NCOA1: variants seen among roughly 807,000 people sequenced by gnomAD.
NCOA1 encodes the protein nuclear receptor coactivator 1.
Under a neutral mutation model 150.9 loss-of-function variants are expected in NCOA1, and 35 were observed. The observed-to-expected ratio is 0.23, with a 90% CI of 0.18 to 0.31. NCOA1 has a LOEUF of 0.31. Among genes scored for constraint, NCOA1 ranks in the 10% least tolerant of loss-of-function variants. The pLI, the probability that NCOA1 is intolerant of heterozygous loss-of-function variation, is 1.00. For synonymous variants in NCOA1, 590 were observed against 630.0 expected, an observed-to-expected ratio of 0.94 and a Z score of 0.95; for missense variants, 1,491 against 1,749.3, an observed-to-expected ratio of 0.85 and a Z score of 2.63.
intron 7 of NCOA1, among the ~76,000 whole-genome samples, chr2:24,678,800 A>C (rs1193775689): frequency 6.6e-6 from 1 of 152,106 alleles, no homozygotes; most frequent in African/African-American, 2.4e-5. Flanking sequence ...TGTCAGATGG[A>C]TAGATTGCAA....
rs1442184814 is a variant in NCOA1, at chr2:24,629,821, T to TATAG, written c.-174-14142_-174-14141insGATA. 1.6e-3 allele frequency among the ~76,000 whole-genome samples: 187 copies of TATAG among 114,334 alleles called. 5 individuals carry two copies. In the South Asian group the frequency reaches 0.037, roughly 23 times the overall value. The allele number at this position is 114,334 out of a possible 152,430, so 75.0% of individuals were successfully genotyped here. The stretch of plus-strand genomic sequence containing the variant: ...CTGTTTTAAGTAACATACATACATA[T>TATAG]ATATATATATATATATATATATATA... On this transcript the variant is annotated intron_variant, in intron 3 of 22. Transcript: ENST00000348332.
chr2:24,768,148 T>C (rs1417384608), intron 22 of NCOA1, 73 bp from the exon 23 acceptor site: 1 of 1,614,052 alleles, frequency 6.2e-7, no homozygotes, highest in East Asian at 2.2e-5. Context: ...GAGTTTCCAC[T>C]TCAAGTAGTA....
chr2:24,615,315 G>C (rs1180863037), intron 3 of NCOA1, among the ~76,000 whole-genome samples: 1 of 152,170 alleles, frequency 6.6e-6, no homozygotes, highest in Non-Finnish European at 1.5e-5. Context: ...CTTGTTACTA[G>C]TAGCTATGAG....
chr2:24,634,838 A>T (rs780127973), intron 3 of NCOA1, among the ~76,000 whole-genome samples: 1 of 150,118 alleles, frequency 6.7e-6, no homozygotes, highest in African/African-American at 2.4e-5. Flanking sequence ...CAGCCCCCCA[A>T]CTGAGTAGCT....
At chr2:24,742,379 T>G (rs188981460) in intron 19 of NCOA1, among the ~76,000 whole-genome samples, 193 bp downstream of exon 19, 7 of 152,300 alleles carry the variant, frequency 4.6e-5, no homozygotes, top group Admixed American at 2.0e-4. Context: ...CTTATCTCCC[T>G]TTTTTAGCTG....
At chr2:24,594,284 A>G (rs1667795453) in intron 3 of NCOA1, among the ~76,000 whole-genome samples, 2 of 152,292 alleles carry the variant, frequency 1.3e-5, no homozygotes, top group South Asian at 4.1e-4. Context: ...AACTTACTGA[A>G]AAAAACTTTA....
intron 1 of NCOA1, among the ~76,000 whole-genome samples, chr2:24,536,514 C>A (rs764344907): frequency 3.3e-5 from 5 of 152,168 alleles, no homozygotes; most frequent in Admixed American, 6.6e-5. Flanking sequence ...AGCTGCAATT[C>A]TTTGGAGAAG....
chr2:24,698,957 C>G (rs914442094), intron 11 of NCOA1, among the ~76,000 whole-genome samples: 1 of 152,112 alleles, frequency 6.6e-6, no homozygotes, highest in Middle Eastern at 3.2e-3. Flanking sequence ...TAGTGGTTCT[C>G]TAATGGGCTC....
At chr2:24,517,483 G>T (rs531533946) in intron 1 of NCOA1, among the ~76,000 whole-genome samples, 43 of 152,058 alleles carry the variant, frequency 2.8e-4, no homozygotes, top group Non-Finnish European at 5.4e-4. Context: ...CTCTCTCAGG[G>T]TTTATGTCTG....
chr2:24,592,578 A>ATTTTTTTTTT (rs145333073), intron 3 of NCOA1, among the ~76,000 whole-genome samples: 40 of 103,430 alleles, frequency 3.9e-4, no homozygotes, highest in Non-Finnish European at 4.5e-4. Flanking sequence ...TCCCCTCCTA[A>ATTTTTTTTTT]TTTTTTTTTT....
chr2:24,693,388 A>T, intron 10 of NCOA1, 41 bp downstream of exon 10: 1 of 1,509,548 alleles, frequency 6.6e-7, no homozygotes, highest in Non-Finnish European at 9.2e-7. Flanking sequence ...AGGTATTAAT[A>T]ATGTGACTCT....
Position 24,740,437 on chromosome 2 carries a change from T to C in NCOA1, c.3303+904T>C, listed in dbSNP as rs542336863. 3.3e-5 allele frequency among the ~76,000 whole-genome samples: 5 copies of C among 152,344 alleles called. No homozygotes were observed. The East Asian group carries it at 5.8e-4, about 18-fold the overall frequency. On this transcript the variant is annotated intron_variant, in intron 18 of 22. Coordinates refer to ENST00000348332, the MANE Select transcript of NCOA1 (RefSeq NM_003743.5). ...TATAAACCTGTACTGCATGTTACTCTACTGAATACTGTAGACAATTGTTAT... is the reference window on the plus strand; with the variant it reads ...TATAAACCTGTACTGCATGTTACTCCACTGAATACTGTAGACAATTGTTAT...
intron 12 of NCOA1, among the ~76,000 whole-genome samples, chr2:24,706,350 G>A (rs961686933): frequency 4.6e-5 from 7 of 151,870 alleles, no homozygotes; most frequent in Non-Finnish European, 7.4e-5. Context: ...TGTAAGAGTC[G>A]ATAAGCATTA....
At chr2:24,562,986 C>G (rs1453234780) in intron 1 of NCOA1, among the ~76,000 whole-genome samples, 1 of 152,182 alleles carries the variant, frequency 6.6e-6, no homozygotes, top group African/African-American at 2.4e-5. Flanking sequence ...CTGGAAGTGT[C>G]ACTCTGGAGA....
chr2:24,514,285 CAAAAAAAAAAAAA>C (rs57412614), intron 1 of NCOA1, among the ~76,000 whole-genome samples: 1 of 32,958 alleles, frequency 3.0e-5, no homozygotes, highest in Non-Finnish European at 5.6e-5. Flanking sequence ...GACTCTGTCT[CAAAAAAAAAAAAA>C]AAAAAAAAGG....
intron 19 of NCOA1, among the ~76,000 whole-genome samples, chr2:24,751,031 A>G (rs1347045093): frequency 5.4e-5 from 8 of 147,586 alleles, no homozygotes; most frequent in Non-Finnish European, 1.2e-4. Context: ...TCTGTCACCC[A>G]GGGTGGTGTG....
chr2:24,659,343 A>G (rs1671081083), intron 5 of NCOA1, among the ~76,000 whole-genome samples: 1 of 152,208 alleles, frequency 6.6e-6, no homozygotes, highest in African/African-American at 2.4e-5. Context: ...GAGCTAAGAA[A>G]TATCAGGATT....
At chr2:24,590,067 T>C (rs1232723563) in intron 3 of NCOA1, among the ~76,000 whole-genome samples, 1 of 152,202 alleles carries the variant, frequency 6.6e-6, no homozygotes, top group African/African-American at 2.4e-5. Context: ...CCAGAAAATA[T>C]TAGTGTCTAA....
At chr2:24,602,256 A>G (rs1423790928) in intron 3 of NCOA1, among the ~76,000 whole-genome samples, 1 of 152,186 alleles carries the variant, frequency 6.6e-6, no homozygotes, top group East Asian at 1.9e-4. Context: ...GCTGGAATGC[A>G]GTGGCGTAAT....
Sources: allele counts gnomAD v4.1 joint callset (sites outside exome capture counted in the v4.1 genomes callset), GRCh38; gene constraint gnomAD v4.1.1; transcripts MANE v1.5; gene names NCBI Gene and HGNC (gene_info 2026-07-23, HGNC 2026-07-21).